The following LAMC1 variants were observed in gnomAD, a reference collection of about 807,000 sequenced individuals.
LAMC1 encodes laminin subunit gamma 1, also known as laminin subunit gamma-1.
In LAMC1, 38 loss-of-function variants were observed where a neutral mutation model predicts 173.6. That is an observed-to-expected ratio of 0.22 (90% CI 0.17 to 0.29). The LOEUF is 0.29. LAMC1 is among the 10% of genes least tolerant of loss of function. LAMC1 has a pLI of 1.00. For missense variants in LAMC1, 1,824 were observed against 2,051.8 expected (o/e 0.89, Z 2.14); for synonymous variants, 746 against 749.1 (o/e 1.00, Z 0.07).
At chr1:183,033,174 T>TGTACCAGCA (rs1308057299) in intron 1 of LAMC1, among the ~76,000 whole-genome samples, 1 of 152,236 alleles carries the variant, frequency 6.6e-6, no homozygotes, top group Non-Finnish European at 1.5e-5. Flanking sequence ...CTTTCTCCTC[T>TGTACCAGCA]GTACCAGAAG....
chr1:183,115,677 A>AT (rs748817886), intron 6 of LAMC1, 40 bp downstream of exon 6: 31 of 1,268,612 alleles, frequency 2.4e-5, no homozygotes. Context: ...GGCAGAATCT[A>AT]TATATAGTCA....
chr1:183,116,841 C>T lies in LAMC1; in HGVS notation c.1502C>T (p.Ser501Phe). 6.2e-7 allele frequency: 1 copy of T among 1,614,052 alleles called. No individual in the cohort carries two copies. Among genetic ancestry groups the T allele is most frequent in the Non-Finnish European group, 8.5e-7 (1 of 1,179,906 alleles). The change falls in exon 8 of 28, where the codon TCT becomes TTT. Residue 501 changes from serine (S) to phenylalanine (F), a missense_variant. By Grantham distance (155) the Ser-to-Phe change is radical. Transcript: ENST00000258341. Reference protein sequence around the residue: ...GCTPCFCFGHSSVCTNAVGYS... With the variant: ...GCTPCFCFGHFSVCTNAVGYS... The stretch of plus-strand genomic sequence containing the variant: ...ACACCCTGCTTCTGCTTTGGGCATT[C>T]TTCTGTCTGTACAAACGCTGTTGGC...
intron 25 of LAMC1, among the ~76,000 whole-genome samples, chr1:183,137,397 G>A (rs1174315732): frequency 6.6e-6 from 1 of 152,094 alleles, no homozygotes; most frequent in East Asian, 1.9e-4. Context: ...ACTAAAAATA[G>A]CAATAATAGA....
intron 1 of LAMC1, among the ~76,000 whole-genome samples, chr1:183,053,710 C>A (rs1654499935): frequency 6.6e-6 from 1 of 152,054 alleles, no homozygotes. Flanking sequence ...ACTGCAACCT[C>A]CATCTCCTGG....
rs1294614158 is a variant in LAMC1 at position 183,130,534 on chromosome 1, C to T, written c.3471C>T (p.Val1157=). The change falls in exon 19 of 28, where the codon GTC becomes GTT. Residue 1157 remains valine (V), a synonymous_variant. Transcript: ENST00000258341. Reference sequence around the variant, plus strand: ...CCAGAGAACTTGAGAAAGCAAAAGTCGCTGCTGCCAATGTGGTAAGTGATT... The same window carrying T: ...CCAGAGAACTTGAGAAAGCAAAAGTTGCTGCTGCCAATGTGGTAAGTGATT... ...IASRELEKAK[V]AAANVSVTQP... is the part of the protein sequence containing the mutation. 7.4e-6 allele frequency: 12 copies of T among 1,614,066 alleles called. No homozygotes were observed. The highest frequency in any genetic ancestry group is 3.3e-5 in the Admixed American group (2 of 60,008).
chr1:183,057,207 C>T (rs1019405980), intron 1 of LAMC1, among the ~76,000 whole-genome samples: 1 of 152,210 alleles, frequency 6.6e-6, no homozygotes, highest in Non-Finnish European at 1.5e-5. Flanking sequence ...TTGTTCTCTC[C>T]TGTACCCTCT....
intron 1 of LAMC1, among the ~76,000 whole-genome samples, chr1:183,059,158 T>A (rs1364859471): frequency 6.6e-6 from 1 of 152,206 alleles, no homozygotes; most frequent in African/African-American, 2.4e-5. Context: ...AGGCAGAACA[T>A]CCATGCTTTG....
At chr1:183,045,344 T>C (rs1055750031) in intron 1 of LAMC1, among the ~76,000 whole-genome samples, 2 of 152,082 alleles carry the variant, frequency 1.3e-5, no homozygotes, top group Admixed American at 1.3e-4. Context: ...TCACCCCAGG[T>C]ATCTACTACC....
rs75560119 is a variant in LAMC1, at chr1:183,142,148, G to T, written c.4574-386G>T. 4.6e-3 allele frequency among the ~76,000 whole-genome samples: 701 copies of T among 152,250 alleles called. 4 individuals carry two copies. The highest frequency in any genetic ancestry group is 0.016 in the African/African-American group (656 of 41,528). On this transcript the variant is annotated intron_variant, in intron 27 of 27. Coordinates refer to ENST00000258341, the MANE Select transcript of LAMC1 (RefSeq NM_002293.4). ...GGGATTAGGGTTCTTAGAGATTTGT[G>T]TATCTTTGATGGCACTAAAATGACA...
At chr1:183,120,441 A>G (rs1281567807) in intron 11 of LAMC1, among the ~76,000 whole-genome samples, 1 of 152,216 alleles carries the variant, frequency 6.6e-6, no homozygotes, top group East Asian at 1.9e-4. Context: ...ATAAACCTGT[A>G]AACATACTAA....
chr1:183,102,159 A>G (rs1401612946), intron 1 of LAMC1, among the ~76,000 whole-genome samples: 1 of 152,182 alleles, frequency 6.6e-6, no homozygotes, highest in Non-Finnish European at 1.5e-5. Flanking sequence ...CACATGAGGA[A>G]TCGCTCCTTG....
At chr1:183,024,876 A>G (rs1343845993) in intron 1 of LAMC1, among the ~76,000 whole-genome samples, 7 of 152,226 alleles carry the variant, frequency 4.6e-5, no homozygotes, top group African/African-American at 1.7e-4. Flanking sequence ...AACACGTGTA[A>G]GTGATGTTTC....
At chr1:183,066,034 A>G (rs927970444) in intron 1 of LAMC1, among the ~76,000 whole-genome samples, 11 of 152,212 alleles carry the variant, frequency 7.2e-5, no homozygotes, top group Non-Finnish European at 1.5e-4. Context: ...TTAATACATG[A>G]TAACGCATTA....
At chr1:183,121,422 T>C (rs1656470449) in intron 11 of LAMC1, among the ~76,000 whole-genome samples, 1 of 152,054 alleles carries the variant, frequency 6.6e-6, no homozygotes, top group Non-Finnish European at 1.5e-5. Flanking sequence ...TGAGACTCCA[T>C]CTCAATAAAT....
At chr1:183,118,205 A>G (rs947363525) in intron 11 of LAMC1, 59 bp downstream of exon 11, 4 of 990,294 alleles carry the variant, frequency 4.0e-6, no homozygotes, top group Non-Finnish European at 6.4e-6. Flanking sequence ...AGAAAGATTC[A>G]TGATAATGCA....
chr1:183,069,632 T>A (rs1654959188), intron 1 of LAMC1, among the ~76,000 whole-genome samples: 1 of 152,160 alleles, frequency 6.6e-6, no homozygotes, highest in Admixed American at 6.5e-5. Context: ...CCAACCAGAT[T>A]GTTTTGGGAG....
chr1:183,025,966 G>A (rs1373769947), intron 1 of LAMC1, among the ~76,000 whole-genome samples: 1 of 152,208 alleles, frequency 6.6e-6, no homozygotes, highest in African/African-American at 2.4e-5. Context: ...CAAAGATAAT[G>A]CGGTAGAGTA....
At chr1:183,098,663 T>G (rs759048848) in intron 1 of LAMC1, among the ~76,000 whole-genome samples, 1 of 152,214 alleles carries the variant, frequency 6.6e-6, no homozygotes, top group Non-Finnish European at 1.5e-5. Flanking sequence ...CATTACTCCC[T>G]GTCTTTGCCG....
intron 24 of LAMC1, 115 bp downstream of exon 24, chr1:183,135,271 T>C: frequency 1.5e-6 from 1 of 663,246 alleles, no homozygotes; most frequent in Non-Finnish European, 2.7e-6. Flanking sequence ...ACTTTTTTTA[T>C]GCTAAAGTAT....
Sources: gnomAD v4.1 joint callset for allele counts (sites outside exome capture counted in the v4.1 genomes callset) on GRCh38, gnomAD v4.1.1 for gene constraint, MANE v1.5 for transcripts, NCBI Gene and HGNC (gene_info 2026-07-23, HGNC 2026-07-21) for gene names.